The following DGKI variants were observed in gnomAD, a reference collection of about 807,000 sequenced individuals.
DGKI encodes DAG kinase iota.
A neutral mutation model predicts 147.5 loss-of-function variants in DGKI; 55 were observed. The ratio of observed to expected loss-of-function variants is 0.37; its 90% CI spans 0.30 to 0.47. DGKI has a LOEUF of 0.47. Among genes scored for constraint, DGKI ranks in the 20% least tolerant of loss-of-function variants. DGKI has a pLI of 1.00. For synonymous variants in DGKI, 469 were observed against 477.1 expected, an observed-to-expected ratio of 0.98 and a Z score of 0.22; for missense variants, 1,007 against 1,323.8, an observed-to-expected ratio of 0.76 and a Z score of 3.71.
At chr7:137,462,399 T>A (rs1489091788) in intron 27 of DGKI, among the ~76,000 whole-genome samples, 1 of 152,150 alleles carries the variant, frequency 6.6e-6, no homozygotes, top group East Asian at 1.9e-4. Flanking sequence ...TCCATAGTAA[T>A]TCATTGTTGT....
At chr7:137,694,044 G>A (rs1257214165) in intron 1 of DGKI, among the ~76,000 whole-genome samples, 1 of 152,122 alleles carries the variant, frequency 6.6e-6, no homozygotes, top group African/African-American at 2.4e-5. Flanking sequence ...ATGGAAGGCC[G>A]GGCACGGTGG....
chr7:137,529,400 C>T (rs112797003), intron 20 of DGKI, among the ~76,000 whole-genome samples: 587 of 152,140 alleles, frequency 3.9e-3, no homozygotes, highest in Non-Finnish European at 6.2e-3. Flanking sequence ...GAATCATTGG[C>T]CAGAATAGGG....
intron 20 of DGKI, among the ~76,000 whole-genome samples, chr7:137,551,615 T>C (rs1585222709): frequency 1.3e-5 from 2 of 152,228 alleles, no homozygotes; most frequent in South Asian, 2.1e-4. Flanking sequence ...TCCGTCCCCT[T>C]CTCCAACCCC....
intron 1 of DGKI, among the ~76,000 whole-genome samples, chr7:137,825,460 T>C (rs1455589980): frequency 6.6e-6 from 1 of 152,198 alleles, no homozygotes; most frequent in Non-Finnish European, 1.5e-5. Context: ...GCACACATTA[T>C]TCCATTCAGC....
intron 8 of DGKI, among the ~76,000 whole-genome samples, chr7:137,619,278 C>T (rs1163558902): frequency 2.0e-5 from 3 of 152,132 alleles, no homozygotes; most frequent in Non-Finnish European, 4.4e-5. Context: ...GGGGAGAACA[C>T]AGAATGAGAT....
At chr7:137,602,204 T>A (rs756873759) in intron 10 of DGKI, among the ~76,000 whole-genome samples, 1 of 152,236 alleles carries the variant, frequency 6.6e-6, no homozygotes, top group Non-Finnish European at 1.5e-5. Context: ...GAATTGTTGA[T>A]GTTAATTACT....
At chr7:137,653,560 A>G (rs576197685) in intron 5 of DGKI, among the ~76,000 whole-genome samples, 20 of 152,220 alleles carry the variant, frequency 1.3e-4, no homozygotes, top group African/African-American at 4.8e-4. Context: ...TTCTATCCGG[A>G]AGGCTCTTGC....
At chr7:137,808,492 C>G (rs1379069512) in intron 1 of DGKI, among the ~76,000 whole-genome samples, 2 of 152,170 alleles carry the variant, frequency 1.3e-5, no homozygotes, top group African/African-American at 2.4e-5. Flanking sequence ...GTGTGCTTCT[C>G]ATTAAGTGCC....
intron 1 of DGKI, among the ~76,000 whole-genome samples, chr7:137,789,501 A>G (rs187357851): frequency 6.6e-6 from 1 of 152,176 alleles, no homozygotes; most frequent in African/African-American, 2.4e-5. Flanking sequence ...TCCCATAGAA[A>G]CATTATCAAA....
chr7:137,522,107 T>A, intron 20 of DGKI, 141 bp from the exon 21 acceptor site: 1 of 600,764 alleles, frequency 1.7e-6, no homozygotes, highest in East Asian at 3.1e-5. Context: ...GGGTTCCTTA[T>A]CAGAATTGAA....
intron 19 of DGKI, among the ~76,000 whole-genome samples, chr7:137,564,039 AG>A (rs1236397253): frequency 1.3e-5 from 2 of 152,168 alleles, no homozygotes; most frequent in Non-Finnish European, 2.9e-5. Context: ...CAGCTAATTA[AG>A]ACAGTGTGGT....
At chr7:137,586,684 A>T (rs1010759475) in intron 13 of DGKI, among the ~76,000 whole-genome samples, 1 of 133,564 alleles carries the variant, frequency 7.5e-6, no homozygotes, top group Non-Finnish European at 1.6e-5. Context: ...ATAAAATGCT[A>T]AAAAAAAAAA....
At chr7:137,578,203 C>G in intron 16 of DGKI, 67 bp downstream of exon 16, 2 of 1,177,172 alleles carry the variant, frequency 1.7e-6, no homozygotes, top group Non-Finnish European at 2.5e-6. Context: ...TAGTTTGCAA[C>G]TTTATGATAC....
intron 7 of DGKI, 79 bp downstream of exon 7, chr7:137,623,404 A>G: frequency 1.5e-6 from 2 of 1,365,100 alleles, no homozygotes; most frequent in Non-Finnish European, 2.1e-6. Context: ...TTCTACTTCC[A>G]GGGAGAAACT....
At chr7:137,606,933 G>A (rs1820205639) in intron 10 of DGKI, among the ~76,000 whole-genome samples, 2 of 152,170 alleles carry the variant, frequency 1.3e-5, no homozygotes, top group East Asian at 3.9e-4. Context: ...TGGTGGACCT[G>A]TACCCCAACA....
At chr7:137,819,656 T>A (rs930836970) in intron 1 of DGKI, among the ~76,000 whole-genome samples, 1 of 152,108 alleles carries the variant, frequency 6.6e-6, no homozygotes, top group Non-Finnish European at 1.5e-5. Flanking sequence ...CCTACTCATT[T>A]AGCAAATATT....
At chr7:137,664,023 A>G (rs1473157290) in intron 3 of DGKI, among the ~76,000 whole-genome samples, 1 of 152,194 alleles carries the variant, frequency 6.6e-6, no homozygotes, top group African/African-American at 2.4e-5. Context: ...TCCCAAAAGC[A>G]ACAGTAATGA....
At chr7:137,656,667 C>G (rs1389330617) in intron 3 of DGKI, 127 bp from the exon 4 acceptor site, 2 of 891,486 alleles carry the variant, frequency 2.2e-6, no homozygotes, top group South Asian at 1.8e-5. Flanking sequence ...ATTTCTATTA[C>G]AAAGCAAATT....
At chr7:137,498,414 A>G (rs1256108361) in intron 21 of DGKI, among the ~76,000 whole-genome samples, 1 of 152,240 alleles carries the variant, frequency 6.6e-6, no homozygotes, top group South Asian at 2.1e-4. Context: ...TTCCTAAAAC[A>G]TTAGTTTCCA....
Sources: allele counts gnomAD v4.1 joint callset (sites outside exome capture counted in the v4.1 genomes callset), GRCh38; gene constraint gnomAD v4.1.1; transcripts MANE v1.5; gene names NCBI Gene and HGNC (gene_info 2026-07-23, HGNC 2026-07-21).